The following LRP5 variants were observed in gnomAD, a reference collection of about 807,000 sequenced individuals.
LRP5 encodes LDL receptor related protein 5.
A neutral mutation model predicts 154.1 loss-of-function variants in LRP5; 62 were observed. The ratio of observed to expected loss-of-function variants is 0.40; its 90% CI spans 0.33 to 0.50. The LOEUF (loss-of-function observed/expected upper bound fraction) is 0.50, where lower values mean the gene tolerates loss of function less well. LRP5 is among the 20% of genes least tolerant of loss of function. The probability of loss-of-function intolerance (pLI) is 0.55; values close to 1 mark genes in which losing one functional copy is unlikely to be tolerated. For missense variants in LRP5, 1,915 were observed against 2,336.7 expected (o/e 0.82, Z 3.72); for synonymous variants, 966 against 1,011.5 (o/e 0.96, Z 0.85).
chr11:68,409,774 C>G lies in LRP5; in HGVS notation c.2092-140C>G, dbSNP rs961580184. On this transcript the variant is annotated intron_variant, in intron 9 of 22. Coordinates refer to ENST00000294304, the MANE Select transcript of LRP5 (RefSeq NM_002335.4). ...CTAAGGCTGGAGAATCGCTTGAACC[C>G]AGGGGGCAGAGGTTGCAGTGAGCCG... is the stretch of plus-strand genomic sequence containing the variant. 4 of 729,436 alleles carry G rather than the reference C, an allele frequency of 5.5e-6. No individual in the cohort carries two copies. In the African/African-American group the frequency reaches 7.0e-5, roughly 13 times the overall value. The allele number at this position is 729,436 out of a possible 1,614,324, so 45.2% of individuals were successfully genotyped here.
chr11:68,443,229 G>A (rs1312194287), intron 21 of LRP5, among the ~76,000 whole-genome samples: 2 of 151,882 alleles, frequency 1.3e-5, no homozygotes, highest in Non-Finnish European at 2.9e-5. Context: ...TGGGCCCAGC[G>A]TGATGGCTTG....
chr11:68,363,952 C>T lies in LRP5; in HGVS notation c.883+9C>T, dbSNP rs543311335. On this transcript the variant is annotated intron_variant, in intron 4 of 22. Transcript: ENST00000294304. The stretch of plus-strand genomic sequence containing the variant: ...GGAGCGGCAGCCTTTCTGTGAGTGC[C>T]GGCTGGGGCGCGGGGGCGAGGGTGC... 1.4e-4 allele frequency: 203 copies of T among 1,415,178 alleles called. 1 individual carries two copies. The South Asian group carries it at 1.7e-3, about 12-fold the overall frequency. The allele number at this position is 1,415,178 out of a possible 1,614,324, so 87.7% of individuals were successfully genotyped here.
At chr11:68,335,997 G>A (rs2098605475) in intron 1 of LRP5, among the ~76,000 whole-genome samples, 1 of 152,166 alleles carries the variant, frequency 6.6e-6, no homozygotes, top group Non-Finnish European at 1.5e-5. Flanking sequence ...GCTCAAGTAC[G>A]GAATCTGGGA....
intron 1 of LRP5, among the ~76,000 whole-genome samples, chr11:68,344,853 T>C (rs866821843): frequency 5.9e-5 from 6 of 101,534 alleles, no homozygotes; most frequent in African/African-American, 2.9e-4. Context: ...CTCTCTCTTT[T>C]TTTTTTTTTT....
chr11:68,373,580 G>A (rs1178935664), intron 5 of LRP5, among the ~76,000 whole-genome samples: 3 of 152,188 alleles, frequency 2.0e-5, no homozygotes, highest in Non-Finnish European at 4.4e-5. Flanking sequence ...GTGGGACCAT[G>A]GCGGCTGCGA....
intron 22 of LRP5, among the ~76,000 whole-genome samples, chr11:68,448,207 G>T (rs1038223375): frequency 4.6e-5 from 7 of 152,142 alleles, no homozygotes; most frequent in Non-Finnish European, 7.3e-5. Flanking sequence ...AGAACAGTAT[G>T]GGGGGAACCA....
chr11:68,390,076 G>C, intron 7 of LRP5, 24 bp downstream of exon 7: 1 of 1,613,324 alleles, frequency 6.2e-7, no homozygotes, highest in South Asian at 1.1e-5. Context: ...GGACATGTTT[G>C]ATCCAGGAGG....
At position 68,439,857 on chromosome 11, in the gene LRP5, C is replaced by A. The variant is rs779029955; in HGVS notation, c.4429C>A (p.His1477Asn). The A allele has an allele frequency of 3.1e-6, 5 of 1,607,186 alleles. No individual in the cohort carries two copies. The highest frequency in any genetic ancestry group is 4.2e-6 in the Non-Finnish European group (5 of 1,178,234). ...RGGVPLYDRN[H>N]VTGASSSSSS... is the part of the protein sequence containing the mutation. Reference sequence around the variant, plus strand: ...CGGGGTGCCCCTCTACGACCGGAACCACGTCACAGGGGCCTCGTCCAGCAG... The same window carrying A: ...CGGGGTGCCCCTCTACGACCGGAACAACGTCACAGGGGCCTCGTCCAGCAG... Residue 1477 changes from histidine (H) to asparagine (N), a missense_variant, in exon 21 of 23, where the codon CAC becomes AAC. Physicochemically the swap from His to Asn is moderately conservative, Grantham distance 68. Coordinates refer to ENST00000294304, the MANE Select transcript of LRP5 (RefSeq NM_002335.4).
chr11:68,350,550 T>C (rs532158326), intron 2 of LRP5, among the ~76,000 whole-genome samples: 2 of 152,368 alleles, frequency 1.3e-5, no homozygotes, highest in South Asian at 4.1e-4. Flanking sequence ...CCCTTTGCAG[T>C]GACCTCCCCC....
At chr11:68,416,673 C>A in intron 13 of LRP5, 146 bp downstream of exon 13, 1 of 756,078 alleles carries the variant, frequency 1.3e-6, no homozygotes, top group Non-Finnish European at 2.3e-6. Context: ...ATTATGTAGT[C>A]ACAGGGTATG....
At chr11:68,327,687 C>A (rs1312300788) in intron 1 of LRP5, among the ~76,000 whole-genome samples, 1 of 152,124 alleles carries the variant, frequency 6.6e-6, no homozygotes, top group Non-Finnish European at 1.5e-5. Context: ...AGAAGCAGCT[C>A]CCACATGAGA....
At chr11:68,389,404 CTACCAACACCGACATT>C (rs1363534758) in intron 6 of LRP5, among the ~76,000 whole-genome samples, 1 of 151,552 alleles carries the variant, frequency 6.6e-6, no homozygotes. Flanking sequence ...ACACCAGCAT[CTACCAACACCGACATT>C]TACCAACACT....
Position 68,418,516 on chromosome 11 carries a change from C to T in LRP5, c.3027+1989C>T, listed in dbSNP as rs139474628. Among the ~76,000 whole-genome samples, 43 of 152,226 alleles carry T rather than the reference C, an allele frequency of 2.8e-4. No individual in the cohort carries two copies. The East Asian group carries it at 6.8e-3, about 24-fold the overall frequency. ...TTTCTTGAGGCAGAGAGAGGCTGAG[C>T]GCCTGGAGAGACTTTCACATGGGTC... On this transcript the variant is annotated intron_variant, in intron 13 of 22. Coordinates refer to ENST00000294304, the MANE Select transcript of LRP5 (RefSeq NM_002335.4).
At chr11:68,438,403 T>C in intron 19 of LRP5, 43 bp from the exon 20 acceptor site, 3 of 1,553,842 alleles carry the variant, frequency 1.9e-6, no homozygotes, top group East Asian at 2.2e-5. Context: ...GCCCATTCCG[T>C]TGGGGTTAAT....
intron 17 of LRP5, among the ~76,000 whole-genome samples, chr11:68,431,773 C>T (rs1043336977): frequency 2.6e-5 from 4 of 152,190 alleles, no homozygotes; most frequent in Admixed American, 1.3e-4. Context: ...CACTGATGCC[C>T]GAACTGCCCT....
At chr11:68,341,584 G>A (rs1260185445) in intron 1 of LRP5, among the ~76,000 whole-genome samples, 1 of 152,116 alleles carries the variant, frequency 6.6e-6, no homozygotes, top group African/African-American at 2.4e-5. Flanking sequence ...TGTGAAACGA[G>A]AGACCTTGGG....
chr11:68,420,799 G>A (rs902775133), intron 13 of LRP5, among the ~76,000 whole-genome samples: 1 of 152,112 alleles, frequency 6.6e-6, no homozygotes, highest in Non-Finnish European at 1.5e-5. Flanking sequence ...TGGTTGTCGT[G>A]AATAAGGCCA....
intron 21 of LRP5, chr11:68,445,425 G>A (rs1482529191): frequency 2.7e-5 from 10 of 367,324 alleles, no homozygotes; most frequent in Non-Finnish European, 4.8e-5. Context: ...CCCTCCCCAG[G>A]GATCCTGCTG....
chr11:68,322,964 A>G (rs1198567968), intron 1 of LRP5, among the ~76,000 whole-genome samples: 1 of 152,220 alleles, frequency 6.6e-6, no homozygotes, highest in African/African-American at 2.4e-5. Context: ...ACTCCGTGAG[A>G]TGCCACGGTG....
Sources: gnomAD v4.1 joint callset for allele counts (sites outside exome capture counted in the v4.1 genomes callset) on GRCh38, gnomAD v4.1.1 for gene constraint, MANE v1.5 for transcripts, NCBI Gene and HGNC (gene_info 2026-07-23, HGNC 2026-07-21) for gene names.